CNTNAP5: variants seen among roughly 807,000 people sequenced by gnomAD.
CNTNAP5 encodes contactin associated protein family member 5.
A neutral mutation model predicts 150.2 loss-of-function variants in CNTNAP5; 72 were observed. The ratio of observed to expected loss-of-function variants is 0.48; its 90% confidence interval spans 0.40 to 0.58. The LOEUF is 0.58. Ranked by LOEUF, CNTNAP5 falls within the 20% of genes least tolerant of loss-of-function variation. The pLI is 0.00. For synonymous variants in CNTNAP5, 672 were observed against 619.8 expected (o/e 1.08, Z -1.25); for missense variants, 1,636 against 1,626.2 (o/e 1.01, Z -0.10).
chr2:124,336,192 A>T (rs1689462529), intron 3 of CNTNAP5, among the ~76,000 whole-genome samples: 1 of 152,150 alleles, frequency 6.6e-6, no homozygotes, highest in African/African-American at 2.4e-5. Context: ...GGACCAAGGA[A>T]GGTGAGGTAC....
intron 8 of CNTNAP5, among the ~76,000 whole-genome samples, chr2:124,510,518 T>TATATATATATACATACACACACAC (rs10641959): frequency 1.6e-5 from 2 of 124,916 alleles, no homozygotes; most frequent in South Asian, 2.6e-4. Context: ...TATATATATA[T>TATATATATATACATACACACACAC]ACATATATCT....
intron 3 of CNTNAP5, among the ~76,000 whole-genome samples, chr2:124,305,308 G>A (rs1234886248): frequency 1.3e-5 from 2 of 151,838 alleles, no homozygotes; most frequent in East Asian, 3.9e-4. Flanking sequence ...ACTGCAAATG[G>A]CACCTAACCA....
chr2:124,140,274 G>T (rs2104615663), intron 1 of CNTNAP5, among the ~76,000 whole-genome samples: 1 of 151,444 alleles, frequency 6.6e-6, no homozygotes. Flanking sequence ...GCTCCAACTG[G>T]GTGGAGCCCA....
At chr2:124,325,124 C>A (rs956944026) in intron 3 of CNTNAP5, among the ~76,000 whole-genome samples, 1 of 152,076 alleles carries the variant, frequency 6.6e-6, no homozygotes, top group African/African-American at 2.4e-5. Context: ...GAGGGTGAAG[C>A]CTTCATGAAT....
rs140595743 is a variant in CNTNAP5, at chr2:124,261,058, A to G, written c.381+18665A>G. On this transcript the variant is annotated intron_variant, in intron 3 of 23. Transcript: ENST00000682447. ...ATTTTATAATAAAATTAGAAATGGC[A>G]AGGAGTTCTATGTATCAGAAATTTC... Among the ~76,000 whole-genome samples, 237 of 152,254 alleles carry G rather than the reference A, an allele frequency of 1.6e-3. 1 individual carries two copies. The highest frequency in any genetic ancestry group is 5.4e-3 in the African/African-American group (224 of 41,568).
intron 3 of CNTNAP5, among the ~76,000 whole-genome samples, chr2:124,385,810 A>G (rs1323897851): frequency 6.6e-6 from 1 of 151,956 alleles, no homozygotes; most frequent in Non-Finnish European, 1.5e-5. Flanking sequence ...CCCCCTGAGT[A>G]CTCTATCCCT....
At chr2:124,094,435 C>G (rs1185778360) in intron 1 of CNTNAP5, among the ~76,000 whole-genome samples, 1 of 152,148 alleles carries the variant, frequency 6.6e-6, no homozygotes. Context: ...GCATAAGGGT[C>G]TCTGGGCTGA....
chr2:124,338,375 T>C (rs1215155954), intron 3 of CNTNAP5, among the ~76,000 whole-genome samples: 1 of 152,162 alleles, frequency 6.6e-6, no homozygotes, highest in Non-Finnish European at 1.5e-5. Flanking sequence ...TCCTGCCTGA[T>C]TGCCCTGGCC....
At chr2:124,257,892 G>A (rs1481912146) in intron 3 of CNTNAP5, among the ~76,000 whole-genome samples, 3 of 152,156 alleles carry the variant, frequency 2.0e-5, no homozygotes, top group Admixed American at 1.3e-4. Flanking sequence ...TGCCCTGGCT[G>A]TCTCATTCCA....
intron 11 of CNTNAP5, among the ~76,000 whole-genome samples, chr2:124,599,213 G>A (rs1013908330): frequency 1.5e-4 from 23 of 152,244 alleles, no homozygotes; most frequent in Non-Finnish European, 2.8e-4. Context: ...TTTGATCGTG[G>A]TCTGCAGTAT....
At chr2:124,401,597 T>A (rs1464380004) in intron 3 of CNTNAP5, among the ~76,000 whole-genome samples, 1 of 152,234 alleles carries the variant, frequency 6.6e-6, no homozygotes. Context: ...ATTTAGGTTC[T>A]TCCACATGTA....
In CNTNAP5 at chr2:124,713,237, TTCTTTCTC is replaced by T. The variant is rs759375979; in HGVS notation, c.2078-33990_2078-33983del. Among the ~76,000 whole-genome samples, 29 of 49,434 alleles carry T rather than the reference TTCTTTCTC, an allele frequency of 5.9e-4. 2 individuals are homozygous for T. Among genetic ancestry groups the T allele is most frequent in the South Asian group, 9.6e-4 (1 of 1,044 alleles). 32.4% of individuals were successfully genotyped at this position (49,434 alleles called of 152,430 possible). On this transcript the variant is annotated intron_variant, in intron 13 of 23. Transcript: ENST00000682447. The stretch of plus-strand genomic sequence containing the variant: ...TTTCTCTGTTTCTTTCTTTCTTTCT[TTCTTTCTC>T]TTTCTTTCTTTCTTTCTTTCTTTCT...
intron 4 of CNTNAP5, among the ~76,000 whole-genome samples, chr2:124,418,222 A>G (rs1398042373): frequency 6.6e-6 from 1 of 152,152 alleles, no homozygotes; most frequent in Non-Finnish European, 1.5e-5. Context: ...TGAAACCTGA[A>G]ATTGCATCAT....
intron 3 of CNTNAP5, among the ~76,000 whole-genome samples, chr2:124,343,557 T>C (rs777557457): frequency 2.6e-5 from 4 of 152,148 alleles, no homozygotes; most frequent in Non-Finnish European, 4.4e-5. Context: ...CATAATATGA[T>C]ATTCATGTAG....
At chr2:124,051,923 C>T (rs949965940) in intron 1 of CNTNAP5, among the ~76,000 whole-genome samples, 1 of 152,188 alleles carries the variant, frequency 6.6e-6, no homozygotes, top group African/African-American at 2.4e-5. Context: ...CCTCCCAAAT[C>T]TCTCTTTCTG....
At position 124,490,348 on chromosome 2, in the gene CNTNAP5, GAAGA is replaced by G. The variant is rs1379017478; in HGVS notation, c.1063-13935_1063-13932del. ...TGTTGTCCATTTCAGAAAAAAAAAAGAAGAAAGAAAGAGAGAGAGAGAAAGAAAG... is the reference window on the plus strand; with the variant it reads ...TGTTGTCCATTTCAGAAAAAAAAAAGAAGAAAGAGAGAGAGAGAAAGAAAG... On this transcript the variant is annotated intron_variant, in intron 7 of 23. Transcript: ENST00000682447. Among the ~76,000 whole-genome samples the G allele has an allele frequency of 8.4e-5, 8 of 95,480 alleles. No homozygotes were observed. The South Asian group carries it at 2.7e-3, about 32-fold the overall frequency. The allele number at this position is 95,480 out of a possible 152,430, so 62.6% of individuals were successfully genotyped here.
intron 3 of CNTNAP5, among the ~76,000 whole-genome samples, chr2:124,333,676 G>T (rs1689404351): frequency 6.6e-6 from 1 of 152,056 alleles, no homozygotes; most frequent in Admixed American, 6.6e-5. Context: ...TAGATAGATG[G>T]TTTTTCAATT....
At chr2:124,802,740 A>G (rs1352427500) in intron 19 of CNTNAP5, among the ~76,000 whole-genome samples, 1 of 152,190 alleles carries the variant, frequency 6.6e-6, no homozygotes, top group Non-Finnish European at 1.5e-5. Context: ...TGCAACTCAG[A>G]AAATATTCAT....
intron 2 of CNTNAP5, among the ~76,000 whole-genome samples, chr2:124,228,038 T>A (rs1686509715): frequency 6.6e-6 from 1 of 152,022 alleles, no homozygotes; most frequent in Non-Finnish European, 1.5e-5. Flanking sequence ...GTCTGTAAGC[T>A]GGAGAAGAGG....
Sources: allele counts gnomAD v4.1 joint callset (sites outside exome capture counted in the v4.1 genomes callset), GRCh38; gene constraint gnomAD v4.1.1; transcripts MANE v1.5; gene names NCBI Gene and HGNC (gene_info 2026-07-23, HGNC 2026-07-21).